Variants in FAM83E observed in about 807,000 individuals in gnomAD.
FAM83E encodes protein FAM83E.
Under a neutral mutation model 34.3 loss-of-function variants are expected in FAM83E, and 29 were observed. That is an observed-to-expected ratio of 0.85 (90% CI 0.63 to 1.15). The LOEUF is 1.15. Among genes scored for constraint, FAM83E ranks in the 50% most tolerant of loss-of-function variants. The probability of loss-of-function intolerance (pLI) is 0.00; values close to 1 mark genes in which losing one functional copy is unlikely to be tolerated. For synonymous variants in FAM83E, 312 were observed against 311.6 expected, an observed-to-expected ratio of 1.00 and a Z score of -0.01; for missense variants, 697 against 685.0, an observed-to-expected ratio of 1.02 and a Z score of -0.20.
At chr19:48,602,864 A>ATTT (rs1447161373) in intron 6 of FAM83E, among the ~76,000 whole-genome samples, 60 of 104,934 alleles carry the variant, frequency 5.7e-4, no homozygotes, top group African/African-American at 1.9e-3. Context: ...TATTATTATT[A>ATTT]TTATTTTGAG....
chr19:48,607,557 G>T (rs1460542508), intron 5 of FAM83E: 1 of 669,214 alleles, frequency 1.5e-6, no homozygotes, highest in Non-Finnish European at 2.6e-6. Flanking sequence ...AGCACGGCCC[G>T]TGGGTTTGAT....
chr19:48,607,654 T>A (rs1973960055), intron 5 of FAM83E: 3 of 409,228 alleles, frequency 7.3e-6, no homozygotes, highest in Non-Finnish European at 1.4e-5. Context: ...CACTTTAGAG[T>A]CCATGAAATA....
At chr19:48,610,947 G>T (rs1031656206) in intron 3 of FAM83E, 100 bp from the exon 4 acceptor site, 28 of 1,235,638 alleles carry the variant, frequency 2.3e-5, no homozygotes, top group Non-Finnish European at 6.8e-6. Flanking sequence ...TGGGAGTAAA[G>T]TGCTCTGGGG....
rs1157853973 is a variant in FAM83E, at chr19:48,612,969, G to A, written c.404C>T (p.Pro135Leu). ...CTTGAGGGGCGGCTGACCCTCTCCA[G>A]GAGGCTGGGTGTACAGCTGCGCCCG... The part of the protein sequence containing the change: ...ITRAQLYTQP[P>L]GEGQPPLKEL... The change falls in exon 3 of 7, where the codon CCT (proline) becomes CTT (leucine). Residue 135 changes from proline to leucine, a missense_variant. By Grantham distance (98) the Pro-to-Leu change is moderately conservative. Coordinates refer to ENST00000263266, the MANE Select transcript of FAM83E (RefSeq NM_017708.4). 6.2e-7 allele frequency: 1 copy of A among 1,600,614 alleles called. No homozygotes were observed. The highest frequency in any genetic ancestry group is 1.7e-5 in the Admixed American group (1 of 58,138).
chr19:48,613,533 T>C lies in FAM83E; in HGVS notation c.-161A>G, dbSNP rs1601134660. 1.4e-6 allele frequency: 2 copies of C among 1,425,272 alleles called. No homozygotes were observed. The highest frequency in any genetic ancestry group is 1.8e-6 in the Non-Finnish European group (2 of 1,094,270). 88.3% of individuals were successfully genotyped at this position (1,425,272 alleles called of 1,614,324 possible). ...CCCTGCAGATGTCCAAATGGCTCCC[T>C]GCAGCAGCCCCTGCCACACTGTTCT... On this transcript the variant is annotated 5_prime_UTR_variant, in exon 3 of 7. Coordinates refer to ENST00000263266, the MANE Select transcript of FAM83E (RefSeq NM_017708.4).
intron 6 of FAM83E, among the ~76,000 whole-genome samples, chr19:48,603,021 T>C (rs1449351321): frequency 6.6e-6 from 1 of 150,774 alleles, no homozygotes. Context: ...CCAGCGAATT[T>C]TTTTGTATTT....
Position 48,615,011 on chromosome 19 carries a change from C to G in FAM83E, c.-1462G>C, listed in dbSNP as rs1227062709. The stretch of plus-strand genomic sequence containing the variant: ...CCCCGGGGGGTTGAGATTGCCTCAC[C>G]TGTTCCCAGGCAGTCTCTCCCTCCC... On this transcript the variant is annotated 5_prime_UTR_variant, in exon 1 of 7. Coordinates refer to ENST00000263266, the MANE Select transcript of FAM83E (RefSeq NM_017708.4). Among the ~76,000 whole-genome samples, 1 of 152,192 alleles carries G rather than the reference C, an allele frequency of 6.6e-6. No homozygotes were observed. The highest frequency in any genetic ancestry group is 1.5e-5 in the Non-Finnish European group (1 of 68,028).
In FAM83E at chr19:48,613,397, G is replaced by C. The variant is rs779376989; in HGVS notation, c.-25C>G. On this transcript the variant is annotated 5_prime_UTR_variant, in exon 3 of 7. Transcript: ENST00000263266. Reference sequence around the variant, plus strand: ...TCGGGGTCACTCGGGTGGGAGGACTGACTGTGAGAGGCTGGGTCCCCGGGG... The same window carrying C: ...TCGGGGTCACTCGGGTGGGAGGACTCACTGTGAGAGGCTGGGTCCCCGGGG... The C allele has an allele frequency of 6.6e-7, 1 of 1,504,136 alleles. No homozygotes were observed. Among genetic ancestry groups the C allele is most frequent in the Non-Finnish European group, 8.9e-7 (1 of 1,127,622 alleles). 93.2% of individuals were successfully genotyped at this position (1,504,136 alleles called of 1,614,324 possible).
chr19:48,612,195 C>T (rs574021622), intron 3 of FAM83E, among the ~76,000 whole-genome samples: 3 of 152,216 alleles, frequency 2.0e-5, no homozygotes, highest in Admixed American at 6.5e-5. Context: ...TGGGAGCTGG[C>T]GGACGCTAAG....
chr19:48,606,159 A>C (rs1445551417), intron 5 of FAM83E, among the ~76,000 whole-genome samples: 1 of 151,982 alleles, frequency 6.6e-6, no homozygotes, highest in East Asian at 1.9e-4. Flanking sequence ...AAAAATACAA[A>C]AATTAGCCAG....
At position 48,613,229 on chromosome 19, in the gene FAM83E, G is replaced by T. The variant is rs375111535; in HGVS notation, c.144C>A (p.Thr48=). 9.3e-6 allele frequency: 15 copies of T among 1,610,764 alleles called. No individual in the cohort carries two copies. The East Asian group carries it at 3.3e-4, about 36-fold the overall frequency. Residue 48 remains threonine, a synonymous_variant, in exon 3 of 7, where the codon ACC becomes ACA. Transcript: ENST00000263266. ...GCCACAGCTCCTCGCGCTGCACGCA[G>T]GTCTGGAACGCCTCCGCGCCCTTGC... ...LLSKGAEAFQ[T]CVQREELWPF... is the part of the protein sequence containing the mutation.
At chr19:48,610,027 A>G in intron 4 of FAM83E, 27 bp from the exon 5 acceptor site, 2 of 1,604,130 alleles carry the variant, frequency 1.2e-6, no homozygotes, top group Non-Finnish European at 1.7e-6. Flanking sequence ...TGGAGGGTAC[A>G]CCCTTGCTGA....
chr19:48,613,465 T>C lies in FAM83E; in HGVS notation c.-93A>G. ...GACTGTGATCATCTGGGGGTTCTCCTGATAGGCAGACCCTACGTGGCCATC... is the reference window on the plus strand; with the variant it reads ...GACTGTGATCATCTGGGGGTTCTCCCGATAGGCAGACCCTACGTGGCCATC... On this transcript the variant is annotated 5_prime_UTR_variant, in exon 3 of 7. Coordinates refer to ENST00000263266, the MANE Select transcript of FAM83E (RefSeq NM_017708.4). 1 of 1,437,546 alleles carries C rather than the reference T, an allele frequency of 7.0e-7. No individual in the cohort carries two copies. The highest frequency in any genetic ancestry group is 9.1e-7 in the Non-Finnish European group (1 of 1,099,668). 89.0% of individuals were successfully genotyped at this position (1,437,546 alleles called of 1,614,324 possible). A position where few individuals can be genotyped will look rare whatever the true frequency, so the allele number is the denominator to read the frequency against.
At chr19:48,606,895 C>T (rs1470556244) in intron 5 of FAM83E, 13 of 1,509,986 alleles carry the variant, frequency 8.6e-6, no homozygotes, top group Non-Finnish European at 1.1e-5. Flanking sequence ...AAGAGGAGTC[C>T]TCAGAGGTCC....
chr19:48,600,928 C>T lies in FAM83E; in HGVS notation c.*181G>A. ...TTAGCCTCCCAAAGTGCAGGGATTACAGGCATGAGCCACCACTCCCGGCCC... is the reference window on the plus strand; with the variant it reads ...TTAGCCTCCCAAAGTGCAGGGATTATAGGCATGAGCCACCACTCCCGGCCC... On this transcript the variant is annotated 3_prime_UTR_variant, in exon 7 of 7. Coordinates refer to ENST00000263266, the MANE Select transcript of FAM83E (RefSeq NM_017708.4). 9.6e-6 allele frequency: 13 copies of T among 1,348,300 alleles called. No individual in the cohort carries two copies. The highest frequency in any genetic ancestry group is 1.3e-5 in the Non-Finnish European group (13 of 1,034,150). The allele number at this position is 1,348,300 out of a possible 1,614,324, so 83.5% of individuals were successfully genotyped here. A position where few individuals can be genotyped will look rare whatever the true frequency, so the allele number is the denominator to read the frequency against.
chr19:48,601,492 C>T (rs1342393245), intron 6 of FAM83E, 123 bp from the exon 7 acceptor site: 37 of 1,458,278 alleles, frequency 2.5e-5, no homozygotes, highest in East Asian at 5.0e-5. Context: ...CGGCCAGGCA[C>T]GGTGGCTCAC....
chr19:48,611,191 C>T (rs11878690), intron 3 of FAM83E, among the ~76,000 whole-genome samples: 20,657 of 145,696 alleles, frequency 0.14, 2,795 homozygotes, highest in African/African-American at 0.35. Flanking sequence ...TTTTTTGAGA[C>T]GGAGTCTCAC....
chr19:48,613,272 G>T lies in FAM83E; in HGVS notation c.101C>A (p.Ala34Glu). The change falls in exon 3 of 7, where the codon GCA (alanine) becomes GAA (glutamate). Residue 34 changes from alanine to glutamate, a missense_variant. Coordinates refer to ENST00000263266, the MANE Select transcript of FAM83E (RefSeq NM_017708.4). Reference protein sequence around the residue: ...GFLYSEGQRLALEALLSKGAE... With the variant: ...GFLYSEGQRLELEALLSKGAE... Reference sequence around the variant, plus strand: ...GCCCTTGCTCAACAGAGCCTCCAGTGCCAGCCGCTGGCCCTCGGAATATAG... The same window carrying T: ...GCCCTTGCTCAACAGAGCCTCCAGTTCCAGCCGCTGGCCCTCGGAATATAG... The T allele has an allele frequency of 6.2e-7, 1 of 1,609,294 alleles. No individual in the cohort carries two copies.
intron 4 of FAM83E, 102 bp from the exon 5 acceptor site, chr19:48,610,102 G>C: frequency 6.9e-7 from 1 of 1,459,100 alleles, no homozygotes; most frequent in Admixed American, 2.0e-5. Context: ...TGACTCCATA[G>C]AAGTATCTGT....
Sources: gnomAD v4.1 joint callset for allele counts (sites outside exome capture counted in the v4.1 genomes callset) on GRCh38, gnomAD v4.1.1 for gene constraint, MANE v1.5 for transcripts, NCBI Gene and HGNC (gene_info 2026-07-23, HGNC 2026-07-21) for gene names.